SPATA21: variants seen among roughly 807,000 people sequenced by gnomAD.
SPATA21 encodes the protein spermatogenesis associated 21, also known as spermatogenesis-associated protein 21.
Under a neutral mutation model 54.8 loss-of-function variants are expected in SPATA21, and 47 were observed. The ratio of observed to expected loss-of-function variants is 0.86; its 90% CI spans 0.68 to 1.09. The LOEUF (loss-of-function observed/expected upper bound fraction) is 1.09, where lower values mean the gene tolerates loss of function less well. SPATA21 is among the 50% of genes least tolerant of loss of function. SPATA21 has a pLI of 0.00. For synonymous variants in SPATA21, 245 were observed against 235.3 expected, an observed-to-expected ratio of 1.04 and a Z score of -0.38; for missense variants, 599 against 596.4, an observed-to-expected ratio of 1.00 and a Z score of -0.05.
Position 16,418,437 on chromosome 1 carries a change from A to G in SPATA21, c.144+3072T>C, listed in dbSNP as rs544454815. Among the ~76,000 whole-genome samples the G allele has an allele frequency of 3.0e-3, 458 of 151,324 alleles. 1 individual carries two copies. The highest frequency in any genetic ancestry group is 0.011 in the African/African-American group (438 of 41,196). ...CAGGTGCCCGCCACCATGCCCAGCT[A>G]ATTTTTTTGTATTTTTAGTAGAGAA... On this transcript the variant is annotated intron_variant, in intron 5 of 12. Coordinates refer to ENST00000335496, the MANE Select transcript of SPATA21 (RefSeq NM_198546.1).
At chr1:16,403,492 C>T (rs74055662) in intron 10 of SPATA21, among the ~76,000 whole-genome samples, 21,279 of 82,798 alleles carry the variant, frequency 0.26, 1,848 homozygotes, top group Non-Finnish European at 0.28. Flanking sequence ...TCTTTTTTTT[C>T]TTTTTTTTTT....
At chr1:16,424,222 A>C (rs1398415753) in intron 3 of SPATA21, among the ~76,000 whole-genome samples, 2,332 of 6,544 alleles carry the variant, frequency 0.36, 139 homozygotes, top group East Asian at 0.39. Context: ...CTGAGGCAGG[A>C]GAATGGCATG....
intron 7 of SPATA21, among the ~76,000 whole-genome samples, chr1:16,408,910 C>CT (rs1365805109): frequency 7.9e-5 from 12 of 151,670 alleles, no homozygotes; most frequent in Admixed American, 1.3e-4. Flanking sequence ...GAGTTCTGGC[C>CT]CCCCCAACCC....
Position 16,431,425 on chromosome 1 carries a change from A to G in SPATA21, c.-51-3T>C. ...GAGGGGCATCACCTAGTGTGCTCCT[A>G]CAGGAGAAATCCAATCAAGCGTCCC... On this transcript the variant is annotated splice_polypyrimidine_tract_variant and splice_region_variant and intron_variant, in intron 2 of 12. Coordinates refer to ENST00000335496, the MANE Select transcript of SPATA21 (RefSeq NM_198546.1). The G allele has an allele frequency of 1.2e-6, 2 of 1,609,042 alleles. No individual in the cohort carries two copies. Among genetic ancestry groups the G allele is most frequent in the Non-Finnish European group, 8.5e-7 (1 of 1,177,182 alleles).
In SPATA21 at chr1:16,399,364, C is replaced by T. The variant is rs1470597285; in HGVS notation, c.1332G>A (p.Gln444=). The T allele has an allele frequency of 1.2e-6, 2 of 1,613,046 alleles. No individual in the cohort carries two copies. Among genetic ancestry groups the T allele is most frequent in the South Asian group, 2.2e-5 (2 of 90,942 alleles). Residue 444 remains glutamine (Q), a synonymous_variant, in exon 12 of 13, where the codon CAG becomes CAA. Coordinates refer to ENST00000335496, the MANE Select transcript of SPATA21 (RefSeq NM_198546.1). ...LDPDIRSPFF[Q]SGSQGNREHN... is the part of the protein sequence containing the mutation. ...CCCACCTGTTTCCTTGAGATCCTGACTGGAAGAAGGGGCTGCGGATGTCAG... is the reference window on the plus strand; with the variant it reads ...CCCACCTGTTTCCTTGAGATCCTGATTGGAAGAAGGGGCTGCGGATGTCAG...
intron 1 of SPATA21, among the ~76,000 whole-genome samples, chr1:16,435,621 C>A (rs549978559): frequency 6.0e-5 from 9 of 150,534 alleles, no homozygotes; most frequent in Admixed American, 4.0e-4. Context: ...CCGGCCCCCC[C>A]CTTTTTTTTT....
intron 8 of SPATA21, among the ~76,000 whole-genome samples, 182 bp from the exon 9 acceptor site, chr1:16,404,221 G>T (rs534486230): frequency 5.9e-5 from 9 of 152,358 alleles, no homozygotes; most frequent in African/African-American, 2.2e-4. Context: ...TGTAATCCCA[G>T]CACTTTGGGA....
At chr1:16,430,156 G>A (rs2086424572) in intron 3 of SPATA21, among the ~76,000 whole-genome samples, 1 of 147,130 alleles carries the variant, frequency 6.8e-6, no homozygotes, top group Admixed American at 6.8e-5. Context: ...TGCCGGACAC[G>A]GAGGCTTATG....
intron 7 of SPATA21, among the ~76,000 whole-genome samples, chr1:16,407,671 G>A (rs1321598075): frequency 6.6e-6 from 1 of 152,034 alleles, no homozygotes. Context: ...TGTTGGTCAG[G>A]CTGGTCTCGA....
Position 16,404,968 on chromosome 1 carries a change from A to G in SPATA21, c.810T>C (p.Asn270=). The part of the protein sequence containing the change: ...VEDALMSADV[N]GDGRVDFKDF... ...AGAGTGGAGCCCTCTGCCACTCACC[A>G]TTGACATCAGCACTCATCAGGGCGT... Residue 270 remains asparagine, a splice_region_variant and synonymous_variant, in exon 8 of 13, where the codon AAT becomes AAC. Transcript: ENST00000335496. 1.3e-6 allele frequency: 2 copies of G among 1,575,800 alleles called. No homozygotes were observed. The highest frequency in any genetic ancestry group is 1.7e-6 in the Non-Finnish European group (2 of 1,166,520).
chr1:16,400,885 G>C lies in SPATA21; in HGVS notation c.1009C>G (p.Gln337Glu), dbSNP rs750189379. 11 of 1,612,166 alleles carry C rather than the reference G, an allele frequency of 6.8e-6. No individual in the cohort carries two copies. In the South Asian group the frequency reaches 1.2e-4, roughly 18 times the overall value. ...CAGGTGCCTTCCTTCAGCTTTTTCT[G>C]GTAGTAGCTGGGGAGGCAGTGCCCA... ...AVLEEITNYY[Q>E]KKLKEGTCKA... The change falls in exon 11 of 13, where the codon CAG becomes GAG. Residue 337 changes from glutamine (Q) to glutamate (E), a missense_variant. Transcript: ENST00000335496.
chr1:16,397,958 G>T (rs2102641), downstream of SPATA21: 1 of 621,846 alleles, frequency 1.6e-6, no homozygotes, highest in Non-Finnish European at 2.0e-6. The surrounding 1 kb of genome is among the most constrained non-coding windows in gnomAD (Gnocchi z 5.4). Flanking sequence ...GTGATCCCAG[G>T]GGTGCACATG....
At chr1:16,404,399 C>A (rs887464355) in intron 8 of SPATA21, among the ~76,000 whole-genome samples, 1 of 151,742 alleles carries the variant, frequency 6.6e-6, no homozygotes, top group East Asian at 1.9e-4. Flanking sequence ...GAACCTGGGA[C>A]GTGGAGGTTG....
intron 1 of SPATA21, among the ~76,000 whole-genome samples, chr1:16,435,571 C>G (rs965920603): frequency 6.6e-6 from 1 of 152,014 alleles, no homozygotes; most frequent in Admixed American, 6.6e-5. Flanking sequence ...CCCACCTCAG[C>G]CTTCCAAAGT....
chr1:16,408,032 GC>G (rs77942074), intron 7 of SPATA21, among the ~76,000 whole-genome samples: 55,782 of 152,068 alleles, frequency 0.37, 11,437 homozygotes, highest in East Asian at 0.7. Flanking sequence ...CTCCCAAAGT[GC>G]TGGGATTATA....
At chr1:16,400,507 G>A in intron 11 of SPATA21, 1 of 1,328,080 alleles carries the variant, frequency 7.5e-7, no homozygotes, top group East Asian at 3.0e-5. Flanking sequence ...GGCAGGAGGG[G>A]AGGAGTCCAA....
intron 2 of SPATA21, among the ~76,000 whole-genome samples, chr1:16,432,152 C>T (rs1386092422): frequency 3.5e-5 from 5 of 143,842 alleles, no homozygotes; most frequent in East Asian, 2.0e-4. Context: ...GACAGAGTCT[C>T]GCTCTGTTGC....
chr1:16,412,825 C>G (rs2085890622), intron 5 of SPATA21, among the ~76,000 whole-genome samples: 1 of 151,398 alleles, frequency 6.6e-6, no homozygotes, highest in Non-Finnish European at 1.5e-5. Flanking sequence ...AAGTCTTGCT[C>G]TGTCGCCAGG....
downstream of SPATA21, chr1:16,397,681 G>A (rs1275351010): frequency 6.6e-6 from 1 of 152,382 alleles, no homozygotes; most frequent in Non-Finnish European, 1.5e-5. The surrounding 1 kb of genome is among the most constrained non-coding windows in gnomAD (Gnocchi z 5.4). Flanking sequence ...ATAACCAAAG[G>A]AGCTGGGGGG....
Sources: allele counts gnomAD v4.1 joint callset (sites outside exome capture counted in the v4.1 genomes callset), GRCh38; gene constraint gnomAD v4.1.1; non-coding constraint Gnocchi (gnomAD v3.1); transcripts MANE v1.5; gene names NCBI Gene and HGNC (gene_info 2026-07-23, HGNC 2026-07-21).